The following THRB variants were observed in gnomAD, a reference collection of about 807,000 sequenced individuals.
THRB encodes thyroid hormone receptor beta, also known as nuclear receptor subfamily 1 group A member 2.
THRB carries 12 observed loss-of-function variants against 47.8 expected under a neutral mutation model. That is an observed-to-expected ratio of 0.25 (90% confidence interval 0.16 to 0.41). The LOEUF (loss-of-function observed/expected upper bound fraction) is 0.41, where lower values mean the gene tolerates loss of function less well. Among genes scored for constraint, THRB ranks in the 10% least tolerant of loss-of-function variants. The probability of loss-of-function intolerance (pLI) is 1.00; values close to 1 mark genes in which losing one functional copy is unlikely to be tolerated. For missense variants in THRB, 348 were observed against 589.2 expected, an observed-to-expected ratio of 0.59 and a Z score of 4.24; for synonymous variants, 218 against 212.2, an observed-to-expected ratio of 1.03 and a Z score of -0.24.
chr3:24,272,863 T>C (rs1476092335), intron 3 of THRB, among the ~76,000 whole-genome samples: 1 of 152,214 alleles, frequency 6.6e-6, no homozygotes, highest in Non-Finnish European at 1.5e-5. Context: ...TTTCCTCCTA[T>C]TAAAGTTCAT....
At chr3:24,141,602 C>A (rs1470816247) in intron 8 of THRB, among the ~76,000 whole-genome samples, 1 of 152,210 alleles carries the variant, frequency 6.6e-6, no homozygotes, top group Non-Finnish European at 1.5e-5. Context: ...AGTATCCACT[C>A]AATAAATGTT....
intron 4 of THRB, among the ~76,000 whole-genome samples, chr3:24,203,334 A>G (rs770818158): frequency 1.3e-5 from 2 of 152,140 alleles, no homozygotes; most frequent in Non-Finnish European, 2.9e-5. Flanking sequence ...GGATTGCTTG[A>G]GCCTGGGAGG....
At chr3:24,459,552 A>G (rs879765488) in intron 1 of THRB, 1 of 152,164 alleles carries the variant, frequency 6.6e-6, no homozygotes, top group South Asian at 2.1e-4. Context: ...GTCTTCCACA[A>G]TGGTTGAACT....
intron 2 of THRB, among the ~76,000 whole-genome samples, chr3:24,307,188 A>C (rs2057410946): frequency 6.6e-6 from 1 of 152,082 alleles, no homozygotes; most frequent in Non-Finnish European, 1.5e-5. Flanking sequence ...GCTGAACACT[A>C]TCTGAAACCA....
At chr3:24,342,169 A>C (rs1407019601) in intron 1 of THRB, among the ~76,000 whole-genome samples, 2 of 141,366 alleles carry the variant, frequency 1.4e-5, no homozygotes. Context: ...AAAAAAAAAA[A>C]AGAGAGAGAT....
intron 2 of THRB, among the ~76,000 whole-genome samples, chr3:24,323,948 T>C (rs2058649134): frequency 6.6e-6 from 1 of 152,228 alleles, no homozygotes; most frequent in Non-Finnish European, 1.5e-5. Flanking sequence ...AGTACTGTTA[T>C]AAACCACCAT....
intron 5 of THRB, among the ~76,000 whole-genome samples, chr3:24,161,496 CAG>C (rs2038811945): frequency 6.6e-6 from 1 of 151,540 alleles, no homozygotes; most frequent in Admixed American, 6.6e-5. Flanking sequence ...GAGAGAGAGA[CAG>C]AGGGAGAGGA....
At chr3:24,398,503 A>G (rs2067144422) in intron 1 of THRB, among the ~76,000 whole-genome samples, 1 of 152,218 alleles carries the variant, frequency 6.6e-6, no homozygotes, top group Non-Finnish European at 1.5e-5. Flanking sequence ...GCCATCAAAG[A>G]AATGCAAATC....
intron 1 of THRB, among the ~76,000 whole-genome samples, chr3:24,339,405 G>A (rs1213844986): frequency 6.6e-6 from 1 of 152,126 alleles, no homozygotes; most frequent in Non-Finnish European, 1.5e-5. Flanking sequence ...ATGAAGAAAG[G>A]AGAGGAGAAG....
At chr3:24,142,667 C>A (rs1217163671) in intron 8 of THRB, among the ~76,000 whole-genome samples, 1 of 152,232 alleles carries the variant, frequency 6.6e-6, no homozygotes, top group Non-Finnish European at 1.5e-5. Context: ...CTGAGATGGT[C>A]CAGCACTAGT....
chr3:24,233,838 G>A (rs1336416290), intron 3 of THRB, among the ~76,000 whole-genome samples: 1 of 152,206 alleles, frequency 6.6e-6, no homozygotes, highest in Non-Finnish European at 1.5e-5. Context: ...GACAGAGAAC[G>A]GGTGGAGAGA....
chr3:24,334,543 A>G (rs1047714272), intron 2 of THRB, among the ~76,000 whole-genome samples: 32 of 152,232 alleles, frequency 2.1e-4, no homozygotes, highest in African/African-American at 7.5e-4. Flanking sequence ...TCCCCGCAGG[A>G]TGGGGCCTCA....
At chr3:24,468,488 C>T (rs917362930) in intron 1 of THRB, among the ~76,000 whole-genome samples, 10 of 152,256 alleles carry the variant, frequency 6.6e-5, no homozygotes, top group South Asian at 2.1e-4. Context: ...GCTTAAAAAA[C>T]GGGTAACTCT....
At chr3:24,290,934 C>T (rs542739424) in intron 3 of THRB, among the ~76,000 whole-genome samples, 3 of 152,186 alleles carry the variant, frequency 2.0e-5, no homozygotes, top group Non-Finnish European at 4.4e-5. Flanking sequence ...GTCCTGTTCT[C>T]ATGAATTTCC....
chr3:24,137,145 G>A (rs1344077561), intron 8 of THRB, among the ~76,000 whole-genome samples: 1 of 152,208 alleles, frequency 6.6e-6, no homozygotes, highest in Admixed American at 6.5e-5. Context: ...ACACACCAAA[G>A]ATATGAACTT....
At chr3:24,449,700 C>T (rs760986716) in intron 1 of THRB, among the ~76,000 whole-genome samples, 2 of 152,136 alleles carry the variant, frequency 1.3e-5, no homozygotes, top group Non-Finnish European at 2.9e-5. Flanking sequence ...TTAGCCTTAT[C>T]TTTTCCCTAA....
chr3:24,250,663 T>G (rs2050575132), intron 3 of THRB, among the ~76,000 whole-genome samples: 1 of 152,170 alleles, frequency 6.6e-6, no homozygotes, highest in Non-Finnish European at 1.5e-5. Flanking sequence ...GTTGCACCAC[T>G]GTACTCCAGC....
chr3:24,246,436 T>C (rs1349311945), intron 3 of THRB, among the ~76,000 whole-genome samples: 3 of 152,174 alleles, frequency 2.0e-5, no homozygotes, highest in Non-Finnish European at 4.4e-5. Context: ...GAAAAGGGCA[T>C]GGTATTGATA....
intron 5 of THRB, among the ~76,000 whole-genome samples, chr3:24,177,915 G>C (rs2041375689): frequency 6.6e-6 from 1 of 152,156 alleles, no homozygotes; most frequent in African/African-American, 2.4e-5. Context: ...TATGAGACGA[G>C]AATAAAGTGG....
Sources: allele counts gnomAD v4.1 joint callset (sites outside exome capture counted in the v4.1 genomes callset), GRCh38; gene constraint gnomAD v4.1.1; transcripts MANE v1.5; gene names NCBI Gene and HGNC (gene_info 2026-07-23, HGNC 2026-07-21).